LRRTM4: variants seen among roughly 807,000 people sequenced by gnomAD.
LRRTM4 encodes the protein leucine-rich repeat transmembrane neuronal protein 4.
A neutral mutation model predicts 47.6 loss-of-function variants in LRRTM4; 25 were observed. The ratio of observed to expected loss-of-function variants is 0.53; its 90% CI spans 0.38 to 0.73. LRRTM4 has a LOEUF of 0.73. Ranked by LOEUF, LRRTM4 falls within the 30% of genes least tolerant of loss-of-function variation. The pLI, the probability that LRRTM4 is intolerant of heterozygous loss-of-function variation, is 0.00. For synonymous variants in LRRTM4, 311 were observed against 269.5 expected (o/e 1.15, Z -1.51); for missense variants, 638 against 713.4 (o/e 0.89, Z 1.20).
intron 3 of LRRTM4, among the ~76,000 whole-genome samples, chr2:77,240,857 A>G (rs945208984): frequency 6.6e-6 from 1 of 152,006 alleles, no homozygotes; most frequent in African/African-American, 2.4e-5. Context: ...CAAAATGTGT[A>G]CAAAATCTGT....
chr2:76,779,274 G>C (rs1674211554), intron 3 of LRRTM4, among the ~76,000 whole-genome samples: 1 of 151,014 alleles, frequency 6.6e-6, no homozygotes, highest in South Asian at 2.1e-4. Context: ...ATGTCTATTA[G>C]GTCTGCTTGG....
At chr2:77,451,402 G>A (rs2103951949) in intron 3 of LRRTM4, among the ~76,000 whole-genome samples, 1 of 152,254 alleles carries the variant, frequency 6.6e-6, no homozygotes, top group South Asian at 2.1e-4. Flanking sequence ...TGTTCTTTCT[G>A]ATGAGCTGGA....
chr2:76,768,823 G>T (rs1673563914), intron 3 of LRRTM4, among the ~76,000 whole-genome samples: 1 of 152,124 alleles, frequency 6.6e-6, no homozygotes, highest in East Asian at 1.9e-4. Context: ...GATTCCTCCT[G>T]CATGAAACCG....
At chr2:76,869,546 A>G (rs1482894502) in intron 3 of LRRTM4, among the ~76,000 whole-genome samples, 1 of 152,018 alleles carries the variant, frequency 6.6e-6, no homozygotes, top group East Asian at 1.9e-4. Context: ...GGGAAAGGGT[A>G]GATGATTGAT....
intron 3 of LRRTM4, among the ~76,000 whole-genome samples, chr2:77,197,997 G>A (rs10183629): frequency 0.2 from 30,077 of 152,100 alleles, 5,714 homozygotes; most frequent in African/African-American, 0.49. Flanking sequence ...ACACATGCAC[G>A]ACTTTATGTT....
intron 3 of LRRTM4, among the ~76,000 whole-genome samples, chr2:77,083,003 CTTGTT>C (rs930476083): frequency 4.2e-4 from 64 of 152,152 alleles, no homozygotes; most frequent in African/African-American, 1.4e-3. Flanking sequence ...TTTCAGTTTT[CTTGTT>C]TTATCAATTT....
At chr2:77,294,613 C>T (rs72915914) in intron 3 of LRRTM4, among the ~76,000 whole-genome samples, 3,859 of 152,116 alleles carry the variant, frequency 0.025, 156 homozygotes, top group African/African-American at 0.086. Context: ...TAATGGATAC[C>T]AGTGAGAGAT....
At chr2:77,380,964 G>C (rs898297610) in intron 3 of LRRTM4, among the ~76,000 whole-genome samples, 1 of 151,862 alleles carries the variant, frequency 6.6e-6, no homozygotes, top group Non-Finnish European at 1.5e-5. Context: ...GATAATAAAC[G>C]AATAAATGAA....
rs542395666 is a variant in LRRTM4, at chr2:77,090,783, C to G, written c.1552-341867G>C. Among the ~76,000 whole-genome samples the G allele has an allele frequency of 8.5e-4, 129 of 152,164 alleles. 1 individual carries two copies. Among genetic ancestry groups the G allele is most frequent in the Non-Finnish European group, 1.5e-3 (101 of 68,038 alleles). On this transcript the variant is annotated intron_variant, in intron 3 of 3. Transcript: ENST00000409884. ...ACTTACCTGGCAGCCACTCCCAGAG[C>G]CCCTGGAACTCTGGCCCAAGGCTCT...
At chr2:77,249,358 T>A (rs1271208429) in intron 3 of LRRTM4, among the ~76,000 whole-genome samples, 3 of 151,532 alleles carry the variant, frequency 2.0e-5, no homozygotes, top group Admixed American at 2.0e-4. Flanking sequence ...CTCAAAAAAA[T>A]AAAATAAATA....
intron 3 of LRRTM4, among the ~76,000 whole-genome samples, chr2:77,072,396 A>T (rs941623514): frequency 1.3e-5 from 2 of 152,138 alleles, no homozygotes; most frequent in African/African-American, 4.8e-5. Context: ...CTGTGAAAAA[A>T]CCTGATGGTC....
At chr2:76,854,402 G>A (rs1672086999) in intron 3 of LRRTM4, among the ~76,000 whole-genome samples, 1 of 152,028 alleles carries the variant, frequency 6.6e-6, no homozygotes, top group Admixed American at 6.6e-5. Context: ...ACCCACTGAG[G>A]TGGTAGTCAT....
At chr2:77,244,479 T>C (rs1675374547) in intron 3 of LRRTM4, among the ~76,000 whole-genome samples, 1 of 152,086 alleles carries the variant, frequency 6.6e-6, no homozygotes, top group African/African-American at 2.4e-5. Context: ...GATTAAAAAA[T>C]AATTTTGCAC....
At chr2:77,319,149 T>A (rs1426429710) in intron 3 of LRRTM4, among the ~76,000 whole-genome samples, 2 of 151,206 alleles carry the variant, frequency 1.3e-5, no homozygotes, top group African/African-American at 4.9e-5. Flanking sequence ...CTTTGGGAGG[T>A]TGAGGCAGGC....
intron 3 of LRRTM4, among the ~76,000 whole-genome samples, chr2:76,775,689 G>T (rs558757517): frequency 6.6e-6 from 1 of 152,106 alleles, no homozygotes; most frequent in Non-Finnish European, 1.5e-5. Context: ...ACATTTGCAC[G>T]AAACAGTGGA....
chr2:76,816,918 T>A (rs1670918477), intron 3 of LRRTM4, among the ~76,000 whole-genome samples: 1 of 149,832 alleles, frequency 6.7e-6, no homozygotes, highest in African/African-American at 2.5e-5. Context: ...ATAAATGGCT[T>A]TTCATGTTTG....
chr2:77,363,414 C>T, intron 3 of LRRTM4, among the ~76,000 whole-genome samples: 1 of 152,160 alleles, frequency 6.6e-6, no homozygotes, highest in Non-Finnish European at 1.5e-5. Flanking sequence ...TCGCCTTGAA[C>T]TGACAGACTC....
intron 3 of LRRTM4, among the ~76,000 whole-genome samples, chr2:77,154,615 C>A (rs1398614332): frequency 2.0e-5 from 3 of 152,044 alleles, no homozygotes; most frequent in Non-Finnish European, 4.4e-5. Context: ...AATCTAGATT[C>A]TCAGAATTTA....
At chr2:77,405,382 C>CT (rs1674142400) in intron 3 of LRRTM4, among the ~76,000 whole-genome samples, 1 of 152,098 alleles carries the variant, frequency 6.6e-6, no homozygotes, top group South Asian at 2.1e-4. Context: ...TAGCCCACTG[C>CT]TTACCATCCT....
Sources: allele counts gnomAD v4.1 joint callset (sites outside exome capture counted in the v4.1 genomes callset), GRCh38; gene constraint gnomAD v4.1.1; transcripts MANE v1.5; gene names NCBI Gene and HGNC (gene_info 2026-07-23, HGNC 2026-07-21).